The following IGF2BP3 variants were observed in gnomAD, a reference collection of about 807,000 sequenced individuals.
IGF2BP3 encodes the protein insulin-like growth factor 2 mRNA-binding protein 3.
A neutral mutation model predicts 73.8 loss-of-function variants in IGF2BP3; 9 were observed. The observed-to-expected ratio is 0.12, with a 90% CI of 0.07 to 0.21. IGF2BP3 has a LOEUF of 0.21. Ranked by LOEUF, IGF2BP3 falls within the 10% of genes least tolerant of loss-of-function variation. The pLI is 1.00. For synonymous variants in IGF2BP3, 258 were observed against 256.7 expected (o/e 1.01, Z -0.05); for missense variants, 542 against 714.0 (o/e 0.76, Z 2.75).
At chr7:23,438,039 T>C (rs978038579) in intron 2 of IGF2BP3, among the ~76,000 whole-genome samples, 11 of 152,256 alleles carry the variant, frequency 7.2e-5, no homozygotes, top group Admixed American at 7.2e-4. Flanking sequence ...CTTACACAGA[T>C]ATTCAGGAAA....
Position 23,346,134 on chromosome 7 carries a change from C to A in IGF2BP3, c.819-72G>T, listed in dbSNP as rs544602279. The A allele has an allele frequency of 1.9e-5, 29 of 1,501,242 alleles. No individual in the cohort carries two copies. In the African/African-American group the frequency reaches 3.8e-4, roughly 19 times the overall value. 93.0% of individuals were successfully genotyped at this position (1,501,242 alleles called of 1,614,324 possible). A position where few individuals can be genotyped will look rare whatever the true frequency, so the allele number is the denominator to read the frequency against. ...CGTGGGTAAAAAGACAATATTCACT[C>A]ATTAAACATTTACTTCCTACCTACC... is the stretch of plus-strand genomic sequence containing the variant. On this transcript the variant is annotated intron_variant, in intron 7 of 14. Coordinates refer to ENST00000258729, the MANE Select transcript of IGF2BP3 (RefSeq NM_006547.3).
chr7:23,313,299 T>G (rs1033256588), intron 13 of IGF2BP3, among the ~76,000 whole-genome samples: 3 of 152,220 alleles, frequency 2.0e-5, no homozygotes, highest in African/African-American at 7.2e-5. Context: ...TTTATAAATA[T>G]AGGACAATCC....
At chr7:23,457,487 C>T (rs1788350801) in intron 2 of IGF2BP3, among the ~76,000 whole-genome samples, 1 of 151,906 alleles carries the variant, frequency 6.6e-6, no homozygotes, top group South Asian at 2.1e-4. Flanking sequence ...TTTTTTTAAA[C>T]TTCTCAACAA....
intron 2 of IGF2BP3, among the ~76,000 whole-genome samples, chr7:23,463,236 A>G (rs1444044367): frequency 3.3e-5 from 5 of 152,228 alleles, no homozygotes. Flanking sequence ...TGCTGCTGCT[A>G]AAAACAATTA....
At chr7:23,352,045 T>C (rs1423765487) in intron 5 of IGF2BP3, among the ~76,000 whole-genome samples, 1 of 152,152 alleles carries the variant, frequency 6.6e-6, no homozygotes, top group Non-Finnish European at 1.5e-5. Context: ...CTCTAAAATA[T>C]GAAGTATTTA....
chr7:23,466,755 G>A (rs1256493440), intron 2 of IGF2BP3, among the ~76,000 whole-genome samples: 1 of 152,150 alleles, frequency 6.6e-6, no homozygotes, highest in Non-Finnish European at 1.5e-5. Context: ...AATTCCCATC[G>A]GTTAGCAAAA....
chr7:23,364,948 T>G (rs887042148), intron 3 of IGF2BP3, among the ~76,000 whole-genome samples: 1 of 152,076 alleles, frequency 6.6e-6, no homozygotes, highest in African/African-American at 2.4e-5. Context: ...GGTGGATCAC[T>G]AGAGGTCAGG....
At chr7:23,403,224 G>A (rs1786723629) in intron 3 of IGF2BP3, among the ~76,000 whole-genome samples, 4 of 152,156 alleles carry the variant, frequency 2.6e-5, no homozygotes, top group Admixed American at 2.0e-4. Flanking sequence ...ACTAAACTGA[G>A]AGCACACAAC....
chr7:23,417,195 T>G (rs1286565825), intron 3 of IGF2BP3, among the ~76,000 whole-genome samples: 1 of 152,204 alleles, frequency 6.6e-6, no homozygotes, highest in Non-Finnish European at 1.5e-5. Flanking sequence ...TCAATAAAAT[T>G]GTTTTTGTTG....
chr7:23,375,458 G>C (rs1785688160), intron 3 of IGF2BP3, among the ~76,000 whole-genome samples: 1 of 152,102 alleles, frequency 6.6e-6, no homozygotes, highest in South Asian at 2.1e-4. Flanking sequence ...CCCCCTTCTA[G>C]GCTTTTCGCC....
At chr7:23,370,411 T>C (rs1013516047) in intron 3 of IGF2BP3, among the ~76,000 whole-genome samples, 18 of 152,214 alleles carry the variant, frequency 1.2e-4, no homozygotes, top group African/African-American at 4.3e-4. Flanking sequence ...ATTTGCCTTA[T>C]GTGTTTCAGA....
At chr7:23,336,412 A>G (rs1784574260) in intron 10 of IGF2BP3, among the ~76,000 whole-genome samples, 1 of 152,210 alleles carries the variant, frequency 6.6e-6, no homozygotes, top group Non-Finnish European at 1.5e-5. Flanking sequence ...TGCTGAGAGC[A>G]AAATGCCCGT....
chr7:23,439,271 G>A (rs1787874008), intron 2 of IGF2BP3, among the ~76,000 whole-genome samples: 1 of 152,038 alleles, frequency 6.6e-6, no homozygotes, highest in South Asian at 2.1e-4. Flanking sequence ...TGACATGTTT[G>A]GCCGGGCACG....
At chr7:23,384,183 G>A (rs1786008616) in intron 3 of IGF2BP3, among the ~76,000 whole-genome samples, 1 of 150,774 alleles carries the variant, frequency 6.6e-6, no homozygotes, top group Non-Finnish European at 1.5e-5. Flanking sequence ...AGTGAAAGAA[G>A]CCAGACACAA....
intron 2 of IGF2BP3, among the ~76,000 whole-genome samples, chr7:23,433,613 T>G (rs1787741600): frequency 6.6e-6 from 1 of 151,994 alleles, no homozygotes; most frequent in Middle Eastern, 3.2e-3. Flanking sequence ...CCCAGTCAGC[T>G]AGGATACAGG....
chr7:23,408,592 T>C (rs1481196379), intron 3 of IGF2BP3, among the ~76,000 whole-genome samples: 1 of 152,224 alleles, frequency 6.6e-6, no homozygotes, highest in East Asian at 1.9e-4. Flanking sequence ...AAAACAGTAA[T>C]GGCAATTCCT....
At chr7:23,382,917 AAATC>A (rs1375709999) in intron 3 of IGF2BP3, among the ~76,000 whole-genome samples, 1 of 150,874 alleles carries the variant, frequency 6.6e-6, no homozygotes, top group Non-Finnish European at 1.5e-5. Flanking sequence ...AAAAAAAAAA[AAATC>A]AATCAGCTAG....
intron 12 of IGF2BP3, among the ~76,000 whole-genome samples, 197 bp from the exon 13 acceptor site, chr7:23,313,850 TAG>T (rs949779107): frequency 6.6e-6 from 1 of 152,206 alleles, no homozygotes; most frequent in African/African-American, 2.4e-5. Flanking sequence ...CCCATCACAG[TAG>T]AGGCAACTGA....
At chr7:23,330,855 A>C (rs753620318) in intron 10 of IGF2BP3, among the ~76,000 whole-genome samples, 29 of 152,188 alleles carry the variant, frequency 1.9e-4, no homozygotes, top group Non-Finnish European at 3.4e-4. Flanking sequence ...GCAGTGGCAC[A>C]ATCTCGGCTC....
Sources: gnomAD v4.1 joint callset for allele counts (sites outside exome capture counted in the v4.1 genomes callset) on GRCh38, gnomAD v4.1.1 for gene constraint, MANE v1.5 for transcripts, NCBI Gene and HGNC (gene_info 2026-07-23, HGNC 2026-07-21) for gene names.